CKLF: variants seen among roughly 807,000 people sequenced by gnomAD.
CKLF encodes chemokine-like factor.
Under a neutral mutation model 12.9 loss-of-function variants are expected in CKLF, and 16 were observed. That is an observed-to-expected ratio of 1.24 (90% CI 0.84 to 1.88). The LOEUF (loss-of-function observed/expected upper bound fraction) is 1.88, where lower values mean the gene tolerates loss of function less well. Ranked by LOEUF, CKLF falls within the 40% of genes most tolerant of loss-of-function variation. CKLF has a pLI of 0.00. For missense variants in CKLF, 172 were observed against 188.5 expected (o/e 0.91, Z 0.51); for synonymous variants, 61 against 69.0 (o/e 0.88, Z 0.57).
chr16:66,563,240 GCTTT>G, intron 3 of CKLF, 23 bp downstream of exon 3: 2 of 1,609,880 alleles, frequency 1.2e-6, no homozygotes. Context: ...CTTTCTGCTT[GCTTT>G]CTTCAGGTTT....
intron 1 of CKLF, among the ~76,000 whole-genome samples, chr16:66,557,909 A>G (rs2011511257): frequency 6.6e-6 from 1 of 152,224 alleles, no homozygotes; most frequent in Admixed American, 6.5e-5. Context: ...AGAGAAGTCA[A>G]TATCATACAC....
chr16:66,563,942 T>C (rs1212312755), intron 3 of CKLF, among the ~76,000 whole-genome samples: 1 of 152,254 alleles, frequency 6.6e-6, no homozygotes, highest in Non-Finnish European at 1.5e-5. Flanking sequence ...ACTTCCATGT[T>C]CTTTCATAGT....
chr16:66,561,972 G>A (rs187985438), intron 2 of CKLF, among the ~76,000 whole-genome samples: 6 of 152,294 alleles, frequency 3.9e-5, no homozygotes, highest in African/African-American at 1.4e-4. Context: ...AAGCGAATGA[G>A]CTATATCATC....
At chr16:66,565,588 A>G (rs1416189257) in intron 3 of CKLF, 2 of 378,074 alleles carry the variant, frequency 5.3e-6, no homozygotes, top group African/African-American at 4.0e-5. Flanking sequence ...AATACATGCA[A>G]GAGCAGGTCA....
Position 66,558,297 on chromosome 16 carries a change from A to T in CKLF, c.186A>T (p.Leu62Phe). The change falls in exon 2 of 4, where the codon TTA becomes TTT. Residue 62 changes from leucine to phenylalanine, a missense_variant. Leu to Phe is a conservative substitution (Grantham distance 22). Coordinates refer to ENST00000264001, the MANE Select transcript of CKLF (RefSeq NM_016951.4). ...EVTVILFFILLYVLRLDRLMK... is the reference protein window; with the variant it reads ...EVTVILFFILFYVLRLDRLMK... Reference sequence around the variant, plus strand: ...CCGTTATCTTATTTTTCATACTTTTATATGTACTCAGACTTGATCGATTAA... The same window carrying T: ...CCGTTATCTTATTTTTCATACTTTTTTATGTACTCAGACTTGATCGATTAA... 1 of 1,613,738 alleles carries T rather than the reference A, an allele frequency of 6.2e-7. No individual in the cohort carries two copies. Among genetic ancestry groups the T allele is most frequent in the Non-Finnish European group, 8.5e-7 (1 of 1,179,942 alleles).
At chr16:66,555,589 G>T (rs2011409146) in intron 1 of CKLF, among the ~76,000 whole-genome samples, 1 of 152,182 alleles carries the variant, frequency 6.6e-6, no homozygotes, top group South Asian at 2.1e-4. Context: ...AAAGGATCAG[G>T]AGTTTGATTC....
intron 2 of CKLF, among the ~76,000 whole-genome samples, chr16:66,562,195 C>A (rs2011780934): frequency 6.6e-6 from 1 of 152,056 alleles, no homozygotes; most frequent in South Asian, 2.1e-4. Flanking sequence ...AGCAATTCTC[C>A]TGCCTCAGCC....
At chr16:66,563,842 A>G (rs941002958) in intron 3 of CKLF, among the ~76,000 whole-genome samples, 1 of 152,232 alleles carries the variant, frequency 6.6e-6, no homozygotes, top group Non-Finnish European at 1.5e-5. Context: ...ATATTCTTCT[A>G]AGATTTCTCA....
chr16:66,562,912 G>A (rs1289886897), intron 2 of CKLF, among the ~76,000 whole-genome samples: 2 of 152,134 alleles, frequency 1.3e-5, no homozygotes, highest in Admixed American at 6.5e-5. Context: ...AGTAGAGACG[G>A]GGTTTCACCA....
intron 1 of CKLF, among the ~76,000 whole-genome samples, 191 bp downstream of exon 1, chr16:66,552,984 G>A (rs2011242215): frequency 6.6e-6 from 1 of 152,096 alleles, no homozygotes. Flanking sequence ...GAGGGTTTAG[G>A]GACACACTCA....
chr16:66,563,030 TTTG>T (rs775773825), intron 2 of CKLF, 89 bp from the exon 3 acceptor site: 114 of 1,477,690 alleles, frequency 7.7e-5, no homozygotes, highest in Middle Eastern at 3.7e-4. Context: ...GACTTTGTTT[TTTG>T]TTGTTGTTGT....
At chr16:66,563,815 A>G (rs778888944) in intron 3 of CKLF, among the ~76,000 whole-genome samples, 12 of 152,268 alleles carry the variant, frequency 7.9e-5, no homozygotes, top group Non-Finnish European at 1.8e-4. Flanking sequence ...CAAGTAATTT[A>G]GTTATAGTTC....
chr16:66,554,658 T>C (rs905582183), intron 1 of CKLF, among the ~76,000 whole-genome samples: 3 of 151,744 alleles, frequency 2.0e-5, no homozygotes, highest in African/African-American at 4.8e-5. Context: ...GGTAAGGGAG[T>C]GTAAGGCGGG....
chr16:66,564,170 A>T (rs532927081), intron 3 of CKLF, among the ~76,000 whole-genome samples: 1 of 152,204 alleles, frequency 6.6e-6, no homozygotes, highest in Non-Finnish European at 1.5e-5. Flanking sequence ...TTTTTTACTC[A>T]TTCATTCATT....
In CKLF at chr16:66,558,274, G is replaced by A. The variant is rs762035736; in HGVS notation, c.163G>A (p.Val55Ile). Residue 55 changes from valine to isoleucine, a missense_variant, in exon 2 of 4, where the codon GTT becomes ATT. By Grantham distance (29) the Val-to-Ile change is conservative. Coordinates refer to ENST00000264001, the MANE Select transcript of CKLF (RefSeq NM_016951.4). ...YIVITGFEVTVILFFILLYVL... is the reference protein window; with the variant it reads ...YIVITGFEVTIILFFILLYVL... ...TGTTATCACTGGATTTGAAGTCACC[G>A]TTATCTTATTTTTCATACTTTTATA... The A allele has an allele frequency of 2.6e-5, 42 of 1,613,638 alleles. No individual in the cohort carries two copies. The highest frequency in any genetic ancestry group is 1.1e-4 in the East Asian group (5 of 44,880).
intron 2 of CKLF, among the ~76,000 whole-genome samples, chr16:66,560,322 G>T (rs2011623144): frequency 6.6e-6 from 1 of 152,182 alleles, no homozygotes; most frequent in Admixed American, 6.5e-5. Flanking sequence ...ACAAGGGTTT[G>T]TGTGCTGTGG....
At chr16:66,559,964 G>C (rs2011606207) in intron 2 of CKLF, among the ~76,000 whole-genome samples, 1 of 152,120 alleles carries the variant, frequency 6.6e-6, no homozygotes. Flanking sequence ...TTGTACCTCA[G>C]AAACTTTAAA....
chr16:66,554,376 A>T (rs2011327528), intron 1 of CKLF, among the ~76,000 whole-genome samples: 1 of 152,268 alleles, frequency 6.6e-6, no homozygotes, highest in Non-Finnish European at 1.5e-5. Flanking sequence ...GAGCCACCTG[A>T]GTAAAGGCAT....
At chr16:66,557,191 G>C (rs1175444170) in intron 1 of CKLF, among the ~76,000 whole-genome samples, 1 of 151,930 alleles carries the variant, frequency 6.6e-6, no homozygotes, top group Non-Finnish European at 1.5e-5. Flanking sequence ...TTGTTTTTGA[G>C]ACAGGGTCTA....
Sources: gnomAD v4.1 joint callset for allele counts (sites outside exome capture counted in the v4.1 genomes callset) on GRCh38, gnomAD v4.1.1 for gene constraint, MANE v1.5 for transcripts, NCBI Gene and HGNC (gene_info 2026-07-23, HGNC 2026-07-21) for gene names.